AIF1L: variants seen among roughly 807,000 people sequenced by gnomAD.
The protein encoded by AIF1L is allograft inflammatory factor 1 like, also known as allograft inflammatory factor 1-like.
AIF1L carries 12 observed loss-of-function variants against 20.7 expected under a neutral mutation model. The ratio of observed to expected loss-of-function variants is 0.58; its 90% CI spans 0.37 to 0.94. The LOEUF (loss-of-function observed/expected upper bound fraction) is 0.94, where lower values mean the gene tolerates loss of function less well. Among genes scored for constraint, AIF1L ranks in the 40% least tolerant of loss-of-function variants. The pLI is 0.01. For synonymous variants in AIF1L, 76 were observed against 65.1 expected, an observed-to-expected ratio of 1.17 and a Z score of -0.81; for missense variants, 173 against 185.3, an observed-to-expected ratio of 0.93 and a Z score of 0.39.
At chr9:131,116,680 T>A (rs891239331) in intron 4 of AIF1L, among the ~76,000 whole-genome samples, 1 of 152,232 alleles carries the variant, frequency 6.6e-6, no homozygotes, top group African/African-American at 2.4e-5. Flanking sequence ...TTATTGATAA[T>A]CCTGTAAAGA....
At chr9:131,115,518 A>G (rs1291641179) in intron 4 of AIF1L, among the ~76,000 whole-genome samples, 2 of 150,006 alleles carry the variant, frequency 1.3e-5, no homozygotes, top group East Asian at 3.9e-4. Context: ...GAACACTGGC[A>G]GTGAACCAGG....
At position 131,117,833 on chromosome 9, in the gene AIF1L, G is replaced by A. The variant is rs979274722; in HGVS notation, c.280G>A (p.Glu94Lys). 6.2e-7 allele frequency: 1 copy of A among 1,614,180 alleles called. No homozygotes were observed. Among genetic ancestry groups the A allele is most frequent in the South Asian group, 1.1e-5 (1 of 91,084 alleles). The change falls in exon 5 of 6, where the codon GAG (glutamate) becomes AAG (lysine). Residue 94 changes from glutamate to lysine, a missense_variant. Physicochemically the swap from Glu to Lys is moderately conservative, Grantham distance 56. Coordinates refer to ENST00000247291, the MANE Select transcript of AIF1L (RefSeq NM_031426.4). The part of the protein sequence containing the change: ...THLEMKKMIS[E>K]VTGGVSDTIS... ...CCTGGAGATGAAGAAGATGATCTCAGAGGTGACAGGAGGGGTCAGTGACAC... is the reference window on the plus strand; with the variant it reads ...CCTGGAGATGAAGAAGATGATCTCAAAGGTGACAGGAGGGGTCAGTGACAC...
intron 2 of AIF1L, among the ~76,000 whole-genome samples, chr9:131,111,191 A>AGC (rs1167909345): frequency 2.9e-5 from 3 of 104,252 alleles, no homozygotes; most frequent in South Asian, 3.4e-4. Flanking sequence ...AAAAAAAAAA[A>AGC]GTGCACGGAG....
At position 131,121,311 on chromosome 9, in the gene AIF1L, T is replaced by C; in HGVS notation, c.*989T>C. On this transcript the variant is annotated 3_prime_UTR_variant, in exon 6 of 6. Transcript: ENST00000247291. ...CATTGACTCACTCATTCACCAGATA[T>C]TTATTGACCTGCTATTATAAGCTTT... 3.5e-6 allele frequency: 2 copies of C among 572,214 alleles called. No individual in the cohort carries two copies. Among genetic ancestry groups the C allele is most frequent in the South Asian group, 4.8e-5 (2 of 41,728 alleles). 35.4% of individuals were successfully genotyped at this position (572,214 alleles called of 1,614,324 possible).
In AIF1L at chr9:131,117,771, A is replaced by G; in HGVS notation, c.218A>G (p.Lys73Arg). 1.2e-6 allele frequency: 2 copies of G among 1,612,774 alleles called. No homozygotes were observed. Among genetic ancestry groups the G allele is most frequent in the Non-Finnish European group, 8.5e-7 (1 of 1,179,488 alleles). Reference protein sequence around the residue: ...NEGEIDLMSLKRMMEKLGVPK... With the variant: ...NEGEIDLMSLRRMMEKLGVPK... ...CCCCCGGCAGACCTGATGTCTTTAA[A>G]GAGGATGATGGAGAAGCTTGGTGTC... Residue 73 changes from lysine to arginine, a missense_variant, in exon 5 of 6, where the codon AAG becomes AGG. Lys to Arg is a conservative substitution (Grantham distance 26). Transcript: ENST00000247291.
chr9:131,114,678 G>A, intron 4 of AIF1L, 60 bp downstream of exon 4: 1 of 1,598,114 alleles, frequency 6.3e-7, no homozygotes, highest in Middle Eastern at 1.7e-4. Context: ...AGGGCTTGAG[G>A]GACCCTCTGT....
chr9:131,114,462 G>C, intron 3 of AIF1L, 115 bp from the exon 4 acceptor site: 1 of 1,165,312 alleles, frequency 8.6e-7, no homozygotes, highest in Non-Finnish European at 1.3e-6. Context: ...GGTAGGGTGC[G>C]GGAGGTGGTT....
At chr9:131,113,035 G>T (rs150091435) in intron 3 of AIF1L, among the ~76,000 whole-genome samples, 1 of 152,262 alleles carries the variant, frequency 6.6e-6, no homozygotes, top group East Asian at 1.9e-4. Context: ...GTAAAAGGCA[G>T]CTCCCACCCG....
chr9:131,104,248 C>T (rs1830696262), intron 2 of AIF1L, among the ~76,000 whole-genome samples: 2 of 152,228 alleles, frequency 1.3e-5, no homozygotes, highest in South Asian at 4.1e-4. Context: ...ACCTGCTCCC[C>T]CACCCCAGCA....
intron 5 of AIF1L, 59 bp downstream of exon 5, chr9:131,117,977 G>A: frequency 6.6e-7 from 1 of 1,507,286 alleles, no homozygotes; most frequent in Non-Finnish European, 8.9e-7. Context: ...GTGCAGAGAG[G>A]CCCCTGGCTC....
intron 2 of AIF1L, among the ~76,000 whole-genome samples, chr9:131,103,770 T>A (rs1830686345): frequency 1.3e-5 from 2 of 152,186 alleles, no homozygotes; most frequent in South Asian, 4.1e-4. Flanking sequence ...CCTAGAGTGG[T>A]AAACAGGTAA....
In AIF1L at chr9:131,120,749, G is replaced by A. The variant is rs1831118799; in HGVS notation, c.*427G>A. 6.3e-6 allele frequency: 2 copies of A among 319,898 alleles called. No homozygotes were observed. The highest frequency in any genetic ancestry group is 2.1e-5 in the African/African-American group (1 of 47,328). 19.8% of individuals were successfully genotyped at this position (319,898 alleles called of 1,614,324 possible). ...CCACTCTGAGAAGACCTTGGAGTAG[G>A]GACAAGGCTGCAGGGCCTCTTTCGG... On this transcript the variant is annotated 3_prime_UTR_variant, in exon 6 of 6. Transcript: ENST00000247291.
intron 3 of AIF1L, among the ~76,000 whole-genome samples, chr9:131,112,787 C>G (rs1830921507): frequency 6.6e-6 from 1 of 152,170 alleles, no homozygotes; most frequent in Non-Finnish European, 1.5e-5. Context: ...TCCCAGCCAC[C>G]TGTAGGAGAG....
intron 2 of AIF1L, 24 bp downstream of exon 2, chr9:131,096,887 A>C: frequency 1.3e-6 from 2 of 1,518,444 alleles, no homozygotes; most frequent in Non-Finnish European, 1.8e-6. Context: ...CCAGGGCAGC[A>C]CGCGAGTCCC....
rs996221731 is a variant in AIF1L, at chr9:131,122,519, C to T, written c.*2197C>T. On this transcript the variant is annotated 3_prime_UTR_variant, in exon 6 of 6. Transcript: ENST00000247291. Reference sequence around the variant, plus strand: ...CATTAGATGTCCTCACCCCTCCTCACTGCCTCTCCTCTCTGGGACAGGCTG... The same window carrying T: ...CATTAGATGTCCTCACCCCTCCTCATTGCCTCTCCTCTCTGGGACAGGCTG... The T allele has an allele frequency of 6.6e-6, 1 of 152,054 alleles. No homozygotes were observed. The highest frequency in any genetic ancestry group is 1.5e-5 in the Non-Finnish European group (1 of 68,028). The allele number at this position is 152,054 out of a possible 1,614,324, so 9.4% of individuals were successfully genotyped here. A position where few individuals can be genotyped will look rare whatever the true frequency, so the allele number is the denominator to read the frequency against.
chr9:131,097,906 C>A (rs1215670144), intron 2 of AIF1L, among the ~76,000 whole-genome samples: 1 of 152,226 alleles, frequency 6.6e-6, no homozygotes, highest in African/African-American at 2.4e-5. Context: ...TGGATGTCTC[C>A]CAGTTTCCTT....
In AIF1L at chr9:131,121,374, C is replaced by G. The variant is rs974328015; in HGVS notation, c.*1052C>G. 4.8e-6 allele frequency: 2 copies of G among 419,312 alleles called. No individual in the cohort carries two copies. The highest frequency in any genetic ancestry group is 4.3e-6 in the Non-Finnish European group (1 of 234,662). The allele number at this position is 419,312 out of a possible 1,614,324, so 26.0% of individuals were successfully genotyped here. On this transcript the variant is annotated 3_prime_UTR_variant, in exon 6 of 6. Transcript: ENST00000247291. ...GTTGTCCTGGCATGTGCAGTATACA[C>G]GGTCTAACTCATCTCTCCCCAGATC...
intron 4 of AIF1L, among the ~76,000 whole-genome samples, chr9:131,115,449 C>CAAAAAAAAAAAAAAAAA (rs746698091): frequency 1.7e-5 from 1 of 60,400 alleles, no homozygotes; most frequent in Non-Finnish European, 2.7e-5. Flanking sequence ...GATTCTGTCT[C>CAAAAAAAAAAAAAAAAA]AAAAAAAAAA....
chr9:131,114,493 C>G, intron 3 of AIF1L, 84 bp from the exon 4 acceptor site: 1 of 1,495,308 alleles, frequency 6.7e-7, no homozygotes, highest in South Asian at 1.1e-5. Flanking sequence ...AGGACACGGT[C>G]ATTTGCCCAC....
Sources: allele counts gnomAD v4.1 joint callset (sites outside exome capture counted in the v4.1 genomes callset), GRCh38; gene constraint gnomAD v4.1.1; transcripts MANE v1.5; gene names NCBI Gene and HGNC (gene_info 2026-07-23, HGNC 2026-07-21).